Variants in FBN2 observed in about 807,000 individuals in gnomAD.
The protein encoded by FBN2 is fibrillin 2, also known as fibrillin-2.
A neutral mutation model predicts 355.6 loss-of-function variants in FBN2; 105 were observed. That is an observed-to-expected ratio of 0.30 (90% confidence interval 0.25 to 0.35). FBN2 has a LOEUF of 0.35. Ranked by LOEUF, FBN2 falls within the 10% of genes least tolerant of loss-of-function variation. The pLI, the probability that FBN2 is intolerant of heterozygous loss-of-function variation, is 1.00. For missense variants in FBN2, 3,280 were observed against 3,758.7 expected (o/e 0.87, Z 3.33); for synonymous variants, 1,350 against 1,301.2 (o/e 1.04, Z -0.81).
chr5:128,490,586 G>A (rs764369), intron 5 of FBN2, among the ~76,000 whole-genome samples: 18,392 of 152,160 alleles, frequency 0.12, 1,502 homozygotes, highest in African/African-American at 0.23. Context: ...TAATGCATAA[G>A]TGATTACACA....
chr5:128,304,755 G>A (rs1387728937), intron 45 of FBN2, among the ~76,000 whole-genome samples: 2 of 151,656 alleles, frequency 1.3e-5, no homozygotes, highest in African/African-American at 2.4e-5. Flanking sequence ...GTATGTCCCT[G>A]CTTGCAAATT....
chr5:128,335,129 ATG>A, intron 30 of FBN2, 39 bp downstream of exon 30: 2 of 1,612,988 alleles, frequency 1.2e-6, no homozygotes, highest in Non-Finnish European at 1.7e-6. Flanking sequence ...GTGTGTGTGC[ATG>A]TGTGTGTATA....
At chr5:128,402,219 C>T (rs946198869) in intron 8 of FBN2, among the ~76,000 whole-genome samples, 4 of 151,998 alleles carry the variant, frequency 2.6e-5, no homozygotes, top group Non-Finnish European at 5.9e-5. Flanking sequence ...GTTGTCCAGG[C>T]ACACTATTCC....
At chr5:128,375,973 G>T (rs933368621) in intron 14 of FBN2, among the ~76,000 whole-genome samples, 4 of 152,058 alleles carry the variant, frequency 2.6e-5, no homozygotes, top group African/African-American at 9.7e-5. Flanking sequence ...GGAGTCAAGG[G>T]TGCAGTGAGC....
intron 14 of FBN2, 85 bp downstream of exon 14, chr5:128,376,646 A>G (rs1752084294): frequency 1.8e-5 from 26 of 1,473,586 alleles, no homozygotes; most frequent in Non-Finnish European, 2.5e-5. Flanking sequence ...CACATGGGGA[A>G]GCTGAAGTAA....
chr5:128,400,428 G>A (rs1331302359), intron 8 of FBN2, among the ~76,000 whole-genome samples: 1 of 151,958 alleles, frequency 6.6e-6, no homozygotes, highest in Non-Finnish European at 1.5e-5. Flanking sequence ...TACCTCCACA[G>A]TGGAATATTT....
At chr5:128,385,338 T>C (rs948553570) in intron 11 of FBN2, among the ~76,000 whole-genome samples, 3 of 152,118 alleles carry the variant, frequency 2.0e-5, no homozygotes, top group Non-Finnish European at 2.9e-5. Flanking sequence ...TTAATTCATT[T>C]AGGACAATGG....
At chr5:128,484,751 G>C (rs1217141447) in intron 5 of FBN2, among the ~76,000 whole-genome samples, 1 of 152,182 alleles carries the variant, frequency 6.6e-6, no homozygotes, top group Non-Finnish European at 1.5e-5. Flanking sequence ...GTGAGACACA[G>C]AGAGAGGTAT....
intron 16 of FBN2, among the ~76,000 whole-genome samples, chr5:128,368,669 T>C (rs1751849588): frequency 6.6e-6 from 1 of 151,430 alleles, no homozygotes; most frequent in Admixed American, 6.6e-5. Flanking sequence ...AGAAAATAGA[T>C]TTTTGATTGT....
At chr5:128,259,873 A>C in intron 64 of FBN2, 44 bp from the exon 65 acceptor site, 1 of 1,607,358 alleles carries the variant, frequency 6.2e-7, no homozygotes, top group East Asian at 2.2e-5. Context: ...CTTCTACAGC[A>C]CAAGCAGAGG....
At chr5:128,473,580 C>A (rs931152837) in intron 5 of FBN2, among the ~76,000 whole-genome samples, 1 of 152,132 alleles carries the variant, frequency 6.6e-6, no homozygotes, top group African/African-American at 2.4e-5. Flanking sequence ...TGCTTTTACC[C>A]CTACACTATG....
At chr5:128,405,774 A>C (rs1179570796) in intron 8 of FBN2, among the ~76,000 whole-genome samples, 6 of 152,204 alleles carry the variant, frequency 3.9e-5, no homozygotes, top group Non-Finnish European at 8.8e-5. Flanking sequence ...TTGTTCTCAA[A>C]AGCCTTCAAT....
chr5:128,499,510 C>T (rs959831742), intron 5 of FBN2, among the ~76,000 whole-genome samples: 4 of 151,904 alleles, frequency 2.6e-5, no homozygotes, highest in Admixed American at 6.6e-5. Flanking sequence ...GCCTGAGTGC[C>T]GAGATTTTTA....
intron 39 of FBN2, among the ~76,000 whole-genome samples, chr5:128,310,392 ATATATATATATTTTTTTTTTT>A (rs1180660264): frequency 2.0e-4 from 6 of 29,786 alleles, no homozygotes; most frequent in African/African-American, 4.6e-4. Context: ...ATATATATAT[ATATATATATATTTTTTTTTTT>A]TTTTTTTTAT....
rs1485036763 is a variant in FBN2, at chr5:128,366,385, T to C, written c.2294A>G (p.Asp765Gly). The change falls in exon 17 of 65, where the codon GAT becomes GGT. Residue 765 changes from aspartate (D) to glycine (G), a missense_variant. Physicochemically the swap from Asp to Gly is moderately conservative, Grantham distance 94. This residue lies in a region of FBN2 where 2,284 missense variants were observed against 2,749.5 expected (regional missense o/e 0.83). Coordinates refer to ENST00000262464, the MANE Select transcript of FBN2 (RefSeq NM_001999.4). ...AGATTAACTAGAGTTACCTCTTCCA[T>C]CCACAGTGATACCTACTCCACTACT... is the stretch of plus-strand genomic sequence containing the variant. Reference protein sequence around the residue: ...LCSSGVGITVDGRDINECALD... With the variant: ...LCSSGVGITVGGRDINECALD... 1.9e-6 allele frequency: 3 copies of C among 1,591,324 alleles called. No homozygotes were observed. The highest frequency in any genetic ancestry group is 2.6e-6 in the Non-Finnish European group (3 of 1,160,998).
At chr5:128,510,150 C>G (rs772495118) in intron 5 of FBN2, among the ~76,000 whole-genome samples, 1 of 152,140 alleles carries the variant, frequency 6.6e-6, no homozygotes, top group Non-Finnish European at 1.5e-5. Context: ...TTTCTCACCC[C>G]GTAGCACAGG....
intron 28 of FBN2, 82 bp downstream of exon 28, chr5:128,335,905 GC>G (rs1750824108): frequency 7.1e-7 from 1 of 1,414,908 alleles, no homozygotes; most frequent in South Asian, 1.2e-5. Context: ...GATTTGCATA[GC>G]CTTCATTATA....
At position 128,311,336 on chromosome 5, in the gene FBN2, C is replaced by T. The variant is rs200267033; in HGVS notation, c.5038G>A (p.Gly1680Ser). 1 of 1,614,086 alleles carries T rather than the reference C, an allele frequency of 6.2e-7. No individual in the cohort carries two copies. The highest frequency in any genetic ancestry group is 2.2e-5 in the East Asian group (1 of 44,866). The change falls in exon 39 of 65, where the codon GGC (glycine) becomes AGC (serine). Residue 1680 changes from glycine to serine, a missense_variant. Physicochemically the swap from Gly to Ser is moderately conservative, Grantham distance 56 (BLOSUM62 0). This residue lies in a region of FBN2 where 2,284 missense variants were observed against 2,749.5 expected (regional missense o/e 0.83). Transcript: ENST00000262464. ...FGSFQCECPQ[G>S]YYLSEDTRIC... ...CGGGTATCCTCGCTGAGGTAGTAGC[C>T]TTGTGGGCACTCACACTGGAAGCTC...
Position 128,338,098 on chromosome 5 carries a change from G to A in FBN2, c.3497C>T (p.Pro1166Leu). ...CMDIDECERN[P>L]LLCRGGTCVN... ...ACAGGTGCCACCCCTACAAAGGAGA[G>A]GGTTACGTTCACATTCGTCAATGTC... Residue 1166 changes from proline (P) to leucine (L), a missense_variant, in exon 27 of 65, where the codon CCT becomes CTT. Pro to Leu is a moderately conservative substitution (Grantham distance 98). Transcript: ENST00000262464. The A allele has an allele frequency of 6.2e-7, 1 of 1,614,106 alleles. No homozygotes were observed. The highest frequency in any genetic ancestry group is 8.5e-7 in the Non-Finnish European group (1 of 1,179,974).
Sources: allele counts gnomAD v4.1 joint callset (sites outside exome capture counted in the v4.1 genomes callset), GRCh38; gene constraint gnomAD v4.1.1; regional missense constraint gnomAD v4.1.1; transcripts MANE v1.5; gene names NCBI Gene and HGNC (gene_info 2026-07-23, HGNC 2026-07-21).